The following ALKBH3 variants were observed in gnomAD, a reference collection of about 807,000 sequenced individuals.
ALKBH3 encodes alpha-ketoglutarate-dependent dioxygenase alkB homolog 3.
In ALKBH3, 51 loss-of-function variants were observed where a neutral mutation model predicts 43.9. The observed-to-expected ratio is 1.16, with a 90% CI of 0.93 to 1.47. The LOEUF (loss-of-function observed/expected upper bound fraction) is 1.47, where lower values mean the gene tolerates loss of function less well. Among genes scored for constraint, ALKBH3 ranks in the 40% most tolerant of loss-of-function variants. ALKBH3 has a pLI of 0.00. For missense variants in ALKBH3, 361 were observed against 351.9 expected (o/e 1.03, Z -0.21); for synonymous variants, 102 against 115.2 (o/e 0.89, Z 0.73).
intron 7 of ALKBH3, chr11:43,899,474 C>T (rs1489340317): frequency 7.1e-6 from 5 of 703,916 alleles, no homozygotes; most frequent in Non-Finnish European, 1.3e-5. Context: ...CATGACGAGC[C>T]TGGAGTCCAG....
At chr11:43,912,809 T>C (rs1951950369) in intron 8 of ALKBH3, among the ~76,000 whole-genome samples, 1 of 152,172 alleles carries the variant, frequency 6.6e-6, no homozygotes, top group Non-Finnish European at 1.5e-5. Context: ...ATTACTGCAA[T>C]AAAACAGTTG....
intron 7 of ALKBH3, chr11:43,899,003 C>G: frequency 1.3e-6 from 1 of 753,818 alleles, no homozygotes; most frequent in Non-Finnish European, 2.5e-6. Flanking sequence ...CCATCTACCA[C>G]TCTGCAAGCA....
At chr11:43,898,697 C>G in intron 7 of ALKBH3, 1 of 716,110 alleles carries the variant, frequency 1.4e-6, no homozygotes, top group Non-Finnish European at 2.6e-6. Flanking sequence ...GTGGTGAAGG[C>G]CAGTTACCCT....
chr11:43,892,166 A>T lies in ALKBH3; in HGVS notation c.459+37A>T, dbSNP rs376360860. Reference sequence around the variant, plus strand: ...TATTGTCATTGGTATGGTTTTATAGACTATATACTATGTGTTGAGTGCTAT... The same window carrying T: ...TATTGTCATTGGTATGGTTTTATAGTCTATATACTATGTGTTGAGTGCTAT... On this transcript the variant is annotated intron_variant, in intron 7 of 9. Coordinates refer to ENST00000302708, the MANE Select transcript of ALKBH3 (RefSeq NM_139178.4). 510 of 1,499,478 alleles carry T rather than the reference A, an allele frequency of 3.4e-4. 2 individuals carry two copies. The highest frequency in any genetic ancestry group is 9.4e-5 in the Non-Finnish European group (101 of 1,077,198). 92.9% of individuals were successfully genotyped at this position (1,499,478 alleles called of 1,614,324 possible).
intron 8 of ALKBH3, among the ~76,000 whole-genome samples, chr11:43,910,714 G>T (rs1369563290): frequency 6.6e-6 from 1 of 152,044 alleles, no homozygotes; most frequent in African/African-American, 2.4e-5. Flanking sequence ...ACTATCTAAA[G>T]AACCCATCTC....
chr11:43,886,529 A>G (rs1309573813), intron 4 of ALKBH3, 77 bp from the exon 5 acceptor site: 15 of 1,469,740 alleles, frequency 1.0e-5, no homozygotes, highest in Non-Finnish European at 1.3e-5. Flanking sequence ...TTGGCAGTTC[A>G]GAAGGATAAC....
At chr11:43,901,226 G>A (rs11037723) in intron 7 of ALKBH3, among the ~76,000 whole-genome samples, 36,101 of 152,206 alleles carry the variant, frequency 0.24, 4,790 homozygotes, top group Admixed American at 0.39. Context: ...CCATGTATTT[G>A]ACATGGAAAG....
intron 5 of ALKBH3, among the ~76,000 whole-genome samples, chr11:43,886,879 C>T (rs1951750129): frequency 6.6e-6 from 1 of 152,088 alleles, no homozygotes; most frequent in Admixed American, 6.6e-5. Context: ...TGCATGTTCT[C>T]ACTTGTAAGT....
intron 7 of ALKBH3, among the ~76,000 whole-genome samples, chr11:43,899,816 G>A (rs909968868): frequency 1.3e-4 from 20 of 150,300 alleles, no homozygotes; most frequent in African/African-American, 4.9e-4. Flanking sequence ...GAGCACAAGG[G>A]CTCTCTTGAA....
intron 6 of ALKBH3, among the ~76,000 whole-genome samples, 193 bp from the exon 7 acceptor site, chr11:43,891,848 A>G (rs1232577035): frequency 5.3e-5 from 8 of 152,204 alleles, no homozygotes; most frequent in Admixed American, 4.6e-4. Context: ...GTGTCTGCCA[A>G]CATAGTGGTT....
intron 3 of ALKBH3, 103 bp downstream of exon 3, chr11:43,883,291 A>G: frequency 1.3e-6 from 1 of 757,714 alleles, no homozygotes; most frequent in African/African-American, 1.8e-5. Flanking sequence ...AAATTCACTA[A>G]TAGCAGAGCA....
In ALKBH3 at chr11:43,883,196, C is replaced by G. The variant is rs181245692; in HGVS notation, c.183+8C>G. ...TTCAAAGAACCTCAGCAGGTAAATT[C>G]ATGGTTTTTTCTTCAATAGTGATAA... On this transcript the variant is annotated splice_region_variant and intron_variant, in intron 3 of 9. Coordinates refer to ENST00000302708, the MANE Select transcript of ALKBH3 (RefSeq NM_139178.4). 241 of 1,607,180 alleles carry G rather than the reference C, an allele frequency of 1.5e-4. 1 individual carries two copies. The African/African-American group carries it at 1.5e-3, about 10-fold the overall frequency.
At chr11:43,891,747 C>T (rs1054691147) in intron 6 of ALKBH3, among the ~76,000 whole-genome samples, 1 of 152,200 alleles carries the variant, frequency 6.6e-6, no homozygotes, top group Non-Finnish European at 1.5e-5. Flanking sequence ...CCCCACTGTT[C>T]CCCAGTGTGA....
At chr11:43,902,700 G>A (rs1426146949) in intron 8 of ALKBH3, among the ~76,000 whole-genome samples, 5 of 152,234 alleles carry the variant, frequency 3.3e-5, no homozygotes, top group Non-Finnish European at 5.9e-5. Context: ...CAGTTCAAGC[G>A]ATTCACTTGC....
At chr11:43,885,266 A>C (rs919319107) in intron 4 of ALKBH3, among the ~76,000 whole-genome samples, 2 of 152,188 alleles carry the variant, frequency 1.3e-5, no homozygotes, top group Non-Finnish European at 2.9e-5. Flanking sequence ...GTTTTAAAAA[A>C]ATAGCCGGAA....
At chr11:43,903,140 G>C (rs1010783723) in intron 8 of ALKBH3, among the ~76,000 whole-genome samples, 1 of 152,152 alleles carries the variant, frequency 6.6e-6, no homozygotes, top group Non-Finnish European at 1.5e-5. Context: ...TACATAAAAA[G>C]TTTGATCATT....
At position 43,920,063 on chromosome 11, in the gene ALKBH3, A is replaced by G; in HGVS notation, c.*53A>G. 2.6e-6 allele frequency: 4 copies of G among 1,512,518 alleles called. No individual in the cohort carries two copies. Among genetic ancestry groups the G allele is most frequent in the Non-Finnish European group, 3.7e-6 (4 of 1,090,180 alleles). The allele number at this position is 1,512,518 out of a possible 1,614,324, so 93.7% of individuals were successfully genotyped here. On this transcript the variant is annotated 3_prime_UTR_variant, in exon 10 of 10. Coordinates refer to ENST00000302708, the MANE Select transcript of ALKBH3 (RefSeq NM_139178.4). ...CTGAAACGGAGCAAACCTTCCACTG[A>G]GAAGCCACTTCAAGAGGCTGGTGCT... is the stretch of plus-strand genomic sequence containing the variant.
At chr11:43,898,250 T>A in intron 7 of ALKBH3, 1 of 820,652 alleles carries the variant, frequency 1.2e-6, no homozygotes, top group East Asian at 2.4e-5. Flanking sequence ...AAGGGTGAAA[T>A]TCCAAAAGAT....
At chr11:43,883,662 A>G (rs1041717896) in intron 3 of ALKBH3, among the ~76,000 whole-genome samples, 1 of 152,200 alleles carries the variant, frequency 6.6e-6, no homozygotes, top group African/African-American at 2.4e-5. Context: ...CATAGTAACA[A>G]CCCTATAAAT....
Sources: gnomAD v4.1 joint callset for allele counts (sites outside exome capture counted in the v4.1 genomes callset) on GRCh38, gnomAD v4.1.1 for gene constraint, MANE v1.5 for transcripts, NCBI Gene and HGNC (gene_info 2026-07-23, HGNC 2026-07-21) for gene names.